VPS37A: variants seen among roughly 807,000 people sequenced by gnomAD.
The protein encoded by VPS37A is VPS37A subunit of ESCRT-I, also known as vacuolar protein sorting-associated protein 37A.
In VPS37A, 30 loss-of-function variants were observed where a neutral mutation model predicts 49.8. That is an observed-to-expected ratio of 0.60 (90% CI 0.45 to 0.82). The LOEUF is 0.82. Ranked by LOEUF, VPS37A falls within the 40% of genes least tolerant of loss-of-function variation. The pLI, the probability that VPS37A is intolerant of heterozygous loss-of-function variation, is 0.00. For missense variants in VPS37A, 593 were observed against 464.4 expected, an observed-to-expected ratio of 1.28 and a Z score of -2.55; for synonymous variants, 195 against 160.6, an observed-to-expected ratio of 1.21 and a Z score of -1.62.
downstream of VPS37A, among the ~76,000 whole-genome samples, chr8:17,307,212 A>G (rs1000033426): frequency 1.3e-5 from 2 of 152,222 alleles, no homozygotes; most frequent in African/African-American, 4.8e-5. Context: ...AACCCCATCA[A>G]AAAGTGGGCA....
downstream of VPS37A, chr8:17,300,067 C>T: frequency 6.2e-7 from 1 of 1,614,110 alleles, no homozygotes; most frequent in Non-Finnish European, 8.5e-7. Context: ...TTGTGAAGGG[C>T]TCCGGGATGG....
intron 4 of VPS37A, among the ~76,000 whole-genome samples, chr8:17,274,198 T>G (rs1198775303): frequency 6.6e-6 from 1 of 152,270 alleles, no homozygotes; most frequent in African/African-American, 2.4e-5. Context: ...GTGACTCTAA[T>G]ATACATGCGT....
At chr8:17,328,067 A>C in the VPS37A span, among the ~76,000 whole-genome samples, 1 of 152,100 alleles carries the variant, frequency 6.6e-6, no homozygotes, top group Non-Finnish European at 1.5e-5. Context: ...AACAGTATTA[A>C]TCTAACAGTC....
chr8:17,305,894 ACACT>A, downstream of VPS37A: 1 of 1,613,806 alleles, frequency 6.2e-7, no homozygotes, highest in Non-Finnish European at 8.5e-7. Context: ...ACTGCCAAAC[ACACT>A]CAATGAACTG....
chr8:17,260,658 A>G (rs1399335091), intron 1 of VPS37A, among the ~76,000 whole-genome samples: 2 of 152,092 alleles, frequency 1.3e-5, no homozygotes, highest in Admixed American at 1.3e-4. Context: ...TGAATTCTCC[A>G]TGCTTTTATT....
downstream of VPS37A, chr8:17,305,942 A>G (rs1219386029): frequency 1.2e-6 from 2 of 1,613,118 alleles, no homozygotes; most frequent in Admixed American, 1.7e-5. Flanking sequence ...TTGGGTCACC[A>G]TCTAGATTGC....
At chr8:17,292,837 T>A (rs1208603559) in intron 11 of VPS37A, among the ~76,000 whole-genome samples, 1 of 152,260 alleles carries the variant, frequency 6.6e-6, no homozygotes, top group African/African-American at 2.4e-5. Flanking sequence ...GTTAGTCTGA[T>A]GGGCTTCCCT....
At position 17,296,135 on chromosome 8, in the gene VPS37A, T is replaced by C. The variant is rs1463189046; in HGVS notation, c.*1149T>C. 1 of 152,212 alleles carries C rather than the reference T, an allele frequency of 6.6e-6. No homozygotes were observed. The highest frequency in any genetic ancestry group is 1.5e-5 in the Non-Finnish European group (1 of 68,030). The allele number at this position is 152,212 out of a possible 1,614,324, so 9.4% of individuals were successfully genotyped here. A position where few individuals can be genotyped will look rare whatever the true frequency, so the allele number is the denominator to read the frequency against. On this transcript the variant is annotated 3_prime_UTR_variant, in exon 12 of 12. Transcript: ENST00000324849. ...TCCCAACACCAGCATATAGTATAGA[T>C]TGTCTGTCTTTTTTATATTTTTTAG...
chr8:17,313,820 G>A, the VPS37A span, among the ~76,000 whole-genome samples: 3,029 of 152,230 alleles, frequency 0.02, 40 homozygotes, highest in Middle Eastern at 0.058. Flanking sequence ...AGAAGTTTCT[G>A]TCACCCAACC....
chr8:17,311,577 G>A, the VPS37A span: 42 of 1,613,994 alleles, frequency 2.6e-5, no homozygotes, highest in African/African-American at 1.3e-4. Context: ...ACACCTGAGC[G>A]GTCCTGTCCC....
intron 4 of VPS37A, 113 bp from the exon 5 acceptor site, chr8:17,274,620 A>T (rs939881019): frequency 4.4e-6 from 3 of 675,944 alleles, no homozygotes; most frequent in Non-Finnish European, 7.1e-6. Context: ...ACCTGCCATT[A>T]TAACATTTCA....
chr8:17,253,883 A>G (rs1346002138), intron 1 of VPS37A, among the ~76,000 whole-genome samples: 5 of 152,194 alleles, frequency 3.3e-5, no homozygotes, highest in African/African-American at 4.8e-5. Context: ...AGAGACAGCT[A>G]TAGTATGAAG....
intron 4 of VPS37A, among the ~76,000 whole-genome samples, chr8:17,272,428 G>A (rs1011796540): frequency 2.6e-5 from 4 of 152,118 alleles, no homozygotes; most frequent in African/African-American, 2.4e-5. Context: ...ATCTTCTGTA[G>A]TAATAGGGCT....
chr8:17,327,276 A>G, the VPS37A span, among the ~76,000 whole-genome samples: 6 of 151,936 alleles, frequency 3.9e-5, no homozygotes, highest in African/African-American at 1.4e-4. Flanking sequence ...TCTATATCTT[A>G]TTTTATTTTT....
chr8:17,315,433 T>C, the VPS37A span, among the ~76,000 whole-genome samples: 4 of 152,048 alleles, frequency 2.6e-5, no homozygotes, highest in African/African-American at 9.7e-5. Flanking sequence ...ACCCACAGAA[T>C]GTCCAACAGC....
rs554923337 is a variant in VPS37A, at chr8:17,259,635, T to G, written c.126-6272T>G. Among the ~76,000 whole-genome samples the G allele has an allele frequency of 2.0e-5, 3 of 152,274 alleles. No homozygotes were observed. In the South Asian group the frequency reaches 6.2e-4, roughly 32 times the overall value. On this transcript the variant is annotated intron_variant, in intron 1 of 11. Transcript: ENST00000324849. ...CTTTGGTGTTTCTTTATTGATTTTC[T>G]GTCTGGATGATCTTTGCATTACTGA... is the stretch of plus-strand genomic sequence containing the variant.
the VPS37A span, among the ~76,000 whole-genome samples, chr8:17,316,965 G>T: frequency 6.6e-6 from 1 of 152,182 alleles, no homozygotes; most frequent in African/African-American, 2.4e-5. Context: ...GCTCTCACCA[G>T]TAGGTTGGGA....
intron 6 of VPS37A, among the ~76,000 whole-genome samples, chr8:17,277,693 G>A (rs1414696366): frequency 1.3e-5 from 2 of 151,864 alleles, no homozygotes; most frequent in South Asian, 4.2e-4. Flanking sequence ...ACAATTAATG[G>A]TAATTCTTTA....
intron 4 of VPS37A, among the ~76,000 whole-genome samples, chr8:17,270,420 G>A (rs1455938724): frequency 6.6e-6 from 1 of 152,166 alleles, no homozygotes. Context: ...CTTCAGTGCT[G>A]ATACATCTAT....
Sources: gnomAD v4.1 joint callset for allele counts (sites outside exome capture counted in the v4.1 genomes callset) on GRCh38, gnomAD v4.1.1 for gene constraint, MANE v1.5 for transcripts, NCBI Gene and HGNC (gene_info 2026-07-23, HGNC 2026-07-21) for gene names.